BST1: variants seen among roughly 807,000 people sequenced by gnomAD.
BST1 encodes ADP-ribosyl cyclase/cyclic ADP-ribose hydrolase 2.
In BST1, 49 loss-of-function variants were observed where a neutral mutation model predicts 40.6. The ratio of observed to expected loss-of-function variants is 1.21; its 90% confidence interval spans 0.96 to 1.53. BST1 has a LOEUF of 1.53. Ranked by LOEUF, BST1 falls within the 40% of genes most tolerant of loss-of-function variation. BST1 has a pLI of 0.00. For synonymous variants in BST1, 157 were observed against 159.3 expected, an observed-to-expected ratio of 0.99 and a Z score of 0.11; for missense variants, 423 against 395.9, an observed-to-expected ratio of 1.07 and a Z score of -0.58.
At chr4:15,755,863 G>A in the BST1 span, among the ~76,000 whole-genome samples, 1 of 152,132 alleles carries the variant, frequency 6.6e-6, no homozygotes, top group Non-Finnish European at 1.5e-5. Flanking sequence ...AAATCAATGA[G>A]TTTCTTATTC....
intron 1 of BST1, among the ~76,000 whole-genome samples, chr4:15,704,407 TG>T (rs1352556170): frequency 2.0e-5 from 3 of 148,458 alleles, no homozygotes; most frequent in Non-Finnish European, 3.0e-5. Context: ...GGGATGTGTG[TG>T]TGTGTGTGTT....
chr4:15,715,193 T>C, intron 4 of BST1, 92 bp from the exon 5 acceptor site: 1 of 1,135,492 alleles, frequency 8.8e-7, no homozygotes, highest in Non-Finnish European at 1.3e-6. Flanking sequence ...TCCTTGCCAT[T>C]ATTTAGAACT....
chr4:15,728,026 C>G (rs938438098), intron 8 of BST1, among the ~76,000 whole-genome samples: 27 of 151,600 alleles, frequency 1.8e-4, no homozygotes, highest in African/African-American at 6.3e-4. Context: ...ATAATATTGG[C>G]CAAAAATTCA....
chr4:15,705,049 G>T (rs1331565703), intron 1 of BST1: 1 of 713,670 alleles, frequency 1.4e-6, no homozygotes, highest in Non-Finnish European at 2.6e-6. Flanking sequence ...ACTGGAGGGT[G>T]CACCTGCTTT....
chr4:15,741,769 G>A (rs1393105609), downstream of BST1, among the ~76,000 whole-genome samples: 2 of 152,126 alleles, frequency 1.3e-5, no homozygotes, highest in East Asian at 1.9e-4. Flanking sequence ...TTCCGCTTCT[G>A]AGCTATTGCA....
At chr4:15,769,939 A>C in the BST1 span, among the ~76,000 whole-genome samples, 1 of 152,088 alleles carries the variant, frequency 6.6e-6, no homozygotes, top group Non-Finnish European at 1.5e-5. Context: ...ACCTAGGCTC[A>C]AGTGATTCTC....
At chr4:15,707,413 T>G in intron 2 of BST1, 98 bp from the exon 3 acceptor site, 271 of 1,424,652 alleles carry the variant, frequency 1.9e-4, no homozygotes, top group Non-Finnish European at 2.4e-4. Flanking sequence ...CAGAGTTGAA[T>G]GAGAACTGGA....
At chr4:15,713,982 G>A (rs1720367977) in intron 4 of BST1, among the ~76,000 whole-genome samples, 1 of 152,066 alleles carries the variant, frequency 6.6e-6, no homozygotes, top group Non-Finnish European at 1.5e-5. Flanking sequence ...GAGATTACAG[G>A]TGTGAGCCAC....
chr4:15,746,880 G>T, the BST1 span, among the ~76,000 whole-genome samples: 1 of 152,180 alleles, frequency 6.6e-6, no homozygotes, highest in Non-Finnish European at 1.5e-5. Flanking sequence ...GCCTCAGTAA[G>T]TCCTTATTTA....
chr4:15,754,283 C>T, the BST1 span, among the ~76,000 whole-genome samples: 4 of 152,066 alleles, frequency 2.6e-5, no homozygotes, highest in South Asian at 2.1e-4. Flanking sequence ...CTTCATGAGT[C>T]GCTAAAGTAG....
chr4:15,725,951 T>TA (rs1303980536), intron 8 of BST1, among the ~76,000 whole-genome samples: 3 of 110,734 alleles, frequency 2.7e-5, no homozygotes, highest in Non-Finnish European at 5.4e-5. Context: ...TGCGGTCTTT[T>TA]TTTTTTTTTT....
chr4:15,719,334 A>G (rs1720682737), intron 7 of BST1, among the ~76,000 whole-genome samples: 2 of 152,076 alleles, frequency 1.3e-5, no homozygotes, highest in Admixed American at 6.5e-5. Flanking sequence ...TCTCTGTGGG[A>G]TCCCTGTGCA....
chr4:15,735,227 G>A (rs953426416), downstream of BST1, among the ~76,000 whole-genome samples: 4 of 152,066 alleles, frequency 2.6e-5, no homozygotes, highest in African/African-American at 9.7e-5. Flanking sequence ...CTCTCTCCCT[G>A]CAAAAAAGCA....
At chr4:15,719,851 C>T (rs1486845849) in intron 7 of BST1, among the ~76,000 whole-genome samples, 1 of 152,206 alleles carries the variant, frequency 6.6e-6, no homozygotes, top group Non-Finnish European at 1.5e-5. Context: ...CATGCCTCCT[C>T]AAGACAAGGA....
At position 15,732,111 on chromosome 4, in the gene BST1, T is replaced by A. The variant is rs1721399799; in HGVS notation, c.*266T>A. The A allele has an allele frequency of 8.4e-7, 1 of 1,192,522 alleles. No individual in the cohort carries two copies. Among genetic ancestry groups the A allele is most frequent in the African/African-American group, 1.6e-5 (1 of 63,386 alleles). 73.9% of individuals were successfully genotyped at this position (1,192,522 alleles called of 1,614,324 possible). ...GTATAATGACACAAAGCATTGGGAG[T>A]CAGACTGCTTGTATATTATCAAACA... On this transcript the variant is annotated 3_prime_UTR_variant, in exon 9 of 9. Transcript: ENST00000265016.
At chr4:15,747,731 C>T in the BST1 span, among the ~76,000 whole-genome samples, 1 of 152,234 alleles carries the variant, frequency 6.6e-6, no homozygotes, top group African/African-American at 2.4e-5. Flanking sequence ...GCACAGTGGT[C>T]CCATCATGGC....
downstream of BST1, among the ~76,000 whole-genome samples, chr4:15,740,813 G>A (rs1298098652): frequency 6.6e-6 from 1 of 152,090 alleles, no homozygotes; most frequent in Non-Finnish European, 1.5e-5. Flanking sequence ...GCAGCAACTG[G>A]GACGGGGACT....
chr4:15,707,361 T>C, intron 2 of BST1, 150 bp from the exon 3 acceptor site: 3 of 838,854 alleles, frequency 3.6e-6, no homozygotes, highest in Non-Finnish European at 5.9e-6. Context: ...AATGAATAAA[T>C]AAAGACAACG....
At chr4:15,764,539 G>A in the BST1 span, among the ~76,000 whole-genome samples, 1 of 151,990 alleles carries the variant, frequency 6.6e-6, no homozygotes, top group Admixed American at 6.5e-5. Context: ...TGTTCTGGGT[G>A]TTTGAAATGC....
Sources: gnomAD v4.1 joint callset for allele counts (sites outside exome capture counted in the v4.1 genomes callset) on GRCh38, gnomAD v4.1.1 for gene constraint, MANE v1.5 for transcripts, NCBI Gene and HGNC (gene_info 2026-07-23, HGNC 2026-07-21) for gene names.